The following TP63 variants were observed in gnomAD, a reference collection of about 807,000 sequenced individuals.
TP63 encodes the protein tumor protein 63.
In TP63, 17 loss-of-function variants were observed where a neutral mutation model predicts 82.8. That is an observed-to-expected ratio of 0.21 (90% CI 0.14 to 0.31). The LOEUF (loss-of-function observed/expected upper bound fraction) is 0.31, where lower values mean the gene tolerates loss of function less well. TP63 is among the 10% of genes least tolerant of loss of function. The pLI, the probability that TP63 is intolerant of heterozygous loss-of-function variation, is 1.00. For synonymous variants in TP63, 330 were observed against 321.7 expected, an observed-to-expected ratio of 1.03 and a Z score of -0.28; for missense variants, 648 against 895.3, an observed-to-expected ratio of 0.72 and a Z score of 3.52.
chr3:189,873,258 G>A, intron 10 of TP63: 1 of 547,074 alleles, frequency 1.8e-6, no homozygotes, highest in Non-Finnish European at 3.3e-6. Flanking sequence ...CACACTAACA[G>A]TTCTCGTCTC....
chr3:189,810,128 TTACTTATCAATGGAGTCATAA>T (rs1342592366), intron 4 of TP63, among the ~76,000 whole-genome samples: 1 of 152,220 alleles, frequency 6.6e-6, no homozygotes, highest in Non-Finnish European at 1.5e-5. Flanking sequence ...CCTCCACGTG[TTACTTATCAATGGAGTCATAA>T]TCCTTAGTTT....
intron 3 of TP63, among the ~76,000 whole-genome samples, chr3:189,774,664 T>C (rs1445898612): frequency 3.9e-5 from 6 of 152,216 alleles, no homozygotes; most frequent in Non-Finnish European, 8.8e-5. Context: ...GTAAATGAGA[T>C]GATGTAGGTG....
At chr3:189,744,516 A>G (rs1251263675) in intron 3 of TP63, among the ~76,000 whole-genome samples, 1 of 152,152 alleles carries the variant, frequency 6.6e-6, no homozygotes, top group Non-Finnish European at 1.5e-5. Flanking sequence ...TCAGTGTGCC[A>G]CCATTGGCAG....
In TP63 at chr3:189,828,206, G is replaced by C. The variant is rs578100549; in HGVS notation, c.579+19680G>C. ...CAGTGAGCTGAGATCGTGCCGCTGT[G>C]CTCCAGCCTGGGCAACAGAGCGAGA... On this transcript the variant is annotated intron_variant, in intron 4 of 13. Coordinates refer to ENST00000264731, the MANE Select transcript of TP63 (RefSeq NM_003722.5). 8.7e-4 allele frequency among the ~76,000 whole-genome samples: 132 copies of C among 150,926 alleles called. 1 individual carries two copies. The highest frequency in any genetic ancestry group is 2.9e-3 in the African/African-American group (120 of 41,046).
chr3:189,861,502 A>G (rs1228759879), intron 4 of TP63, among the ~76,000 whole-genome samples: 1 of 152,190 alleles, frequency 6.6e-6, no homozygotes, highest in Non-Finnish European at 1.5e-5. Context: ...AAAGTCCTCA[A>G]TAAACCATGT....
chr3:189,613,926 A>T, the TP63 span, among the ~76,000 whole-genome samples: 2 of 152,214 alleles, frequency 1.3e-5, no homozygotes, highest in Non-Finnish European at 2.9e-5. Flanking sequence ...CTCCCATTGC[A>T]TCTAGGAAGT....
At chr3:189,690,130 G>A (rs1364259693) in intron 1 of TP63, among the ~76,000 whole-genome samples, 3 of 151,950 alleles carry the variant, frequency 2.0e-5, no homozygotes, top group East Asian at 3.9e-4. Context: ...GGGAAAAATC[G>A]CTTTTTCTTT....
chr3:189,856,791 A>G (rs79895390), intron 4 of TP63, among the ~76,000 whole-genome samples: 4,443 of 152,134 alleles, frequency 0.029, 214 homozygotes, highest in African/African-American at 0.1. Context: ...ATTTTAAAAT[A>G]AAATACTGAA....
chr3:189,722,529 C>T (rs1437289646), intron 1 of TP63, among the ~76,000 whole-genome samples: 3 of 152,170 alleles, frequency 2.0e-5, no homozygotes, highest in Non-Finnish European at 2.9e-5. Flanking sequence ...CAGGGACTTG[C>T]CCAAGATCCC....
intron 3 of TP63, among the ~76,000 whole-genome samples, chr3:189,745,281 A>C (rs1160564403): frequency 2.0e-5 from 3 of 152,368 alleles, no homozygotes; most frequent in East Asian, 1.9e-4. Flanking sequence ...AGTAAAAATT[A>C]TTAAATTCTT....
chr3:189,759,021 C>T (rs1410032314), intron 3 of TP63, among the ~76,000 whole-genome samples: 2 of 152,062 alleles, frequency 1.3e-5, no homozygotes, highest in African/African-American at 4.8e-5. Context: ...TGAAATATTC[C>T]CTTTGCCAGT....
At chr3:189,628,015 G>A (rs1327965568), upstream of TP63, among the ~76,000 whole-genome samples, 1 of 152,010 alleles carries the variant, frequency 6.6e-6, no homozygotes, top group Admixed American at 6.6e-5. Flanking sequence ...CAATATTTTT[G>A]CTAGCTCCTG....
chr3:189,816,623 G>C (rs1407674485), intron 4 of TP63, among the ~76,000 whole-genome samples: 4 of 152,146 alleles, frequency 2.6e-5, no homozygotes, highest in African/African-American at 9.7e-5. Context: ...TTGAGATAAT[G>C]TAGCTTTCCA....
intron 3 of TP63, among the ~76,000 whole-genome samples, chr3:189,774,614 A>G (rs1723638218): frequency 6.6e-6 from 1 of 152,198 alleles, no homozygotes; most frequent in Non-Finnish European, 1.5e-5. Context: ...TTTATAATTT[A>G]TAAACATTTC....
intron 4 of TP63, among the ~76,000 whole-genome samples, chr3:189,810,094 A>G (rs1332462013): frequency 6.6e-6 from 1 of 152,230 alleles, no homozygotes; most frequent in Admixed American, 6.5e-5. Flanking sequence ...TAGAGCATGA[A>G]CATCAGCTTA....
chr3:189,668,313 A>G lies in TP63; in HGVS notation c.62+36736A>G, dbSNP rs143539554. 6.8e-4 allele frequency among the ~76,000 whole-genome samples: 104 copies of G among 152,272 alleles called. No individual in the cohort carries two copies. In the East Asian group the frequency reaches 0.02, roughly 29 times the overall value. ...TTGAAAAAATTAAATAAATAAAAAC[A>G]GATTTTAAAGTCATCCTGAGGTTTA... On this transcript the variant is annotated intron_variant, in intron 1 of 13. Coordinates refer to ENST00000264731, the MANE Select transcript of TP63 (RefSeq NM_003722.5).
At chr3:189,729,794 A>C (rs1720029387) in intron 1 of TP63, among the ~76,000 whole-genome samples, 1 of 152,178 alleles carries the variant, frequency 6.6e-6, no homozygotes, top group Non-Finnish European at 1.5e-5. Context: ...TGAGTTTTGG[A>C]GGCAAATTTA....
chr3:189,814,122 C>A (rs2889922), intron 4 of TP63, among the ~76,000 whole-genome samples: 4 of 152,172 alleles, frequency 2.6e-5, no homozygotes, highest in Non-Finnish European at 4.4e-5. Context: ...CTGAGATGCG[C>A]GCCTGCGGCC....
chr3:189,717,707 G>A (rs1326662508), intron 1 of TP63, among the ~76,000 whole-genome samples: 3 of 152,156 alleles, frequency 2.0e-5, no homozygotes, highest in African/African-American at 2.4e-5. Context: ...CAAAATCTGG[G>A]AATTAGGCTT....
Sources: gnomAD v4.1 joint callset for allele counts (sites outside exome capture counted in the v4.1 genomes callset) on GRCh38, gnomAD v4.1.1 for gene constraint, MANE v1.5 for transcripts, NCBI Gene and HGNC (gene_info 2026-07-23, HGNC 2026-07-21) for gene names.